Variants in TUBB8 observed in about 807,000 individuals in gnomAD.
The protein encoded by TUBB8 is tubulin beta-8 chain.
A neutral mutation model predicts 33.7 loss-of-function variants in TUBB8; 25 were observed. That is an observed-to-expected ratio of 0.74 (90% CI 0.54 to 1.04). TUBB8 has a LOEUF of 1.04. TUBB8 is among the 50% of genes least tolerant of loss of function. TUBB8 has a pLI of 0.00. For synonymous variants in TUBB8, 245 were observed against 240.1 expected (o/e 1.02, Z -0.19); for missense variants, 279 against 608.0 (o/e 0.46, Z 5.69).
intron 1 of TUBB8, among the ~76,000 whole-genome samples, chr10:54,693 G>T (rs1201576873): frequency 6.6e-6 from 1 of 151,834 alleles, no homozygotes; most frequent in Non-Finnish European, 1.5e-5. Context: ...AGAATGTTTT[G>T]AACTCAATAT....
At chr10:48,399 G>A in intron 3 of TUBB8, 1 of 642,262 alleles carries the variant, frequency 1.6e-6, no homozygotes, top group Non-Finnish European at 2.8e-6. Flanking sequence ...GGTTCTTGCA[G>A]GGAGTTTACA....
At chr10:69,765 T>C (rs1287045059) in intron 1 of TUBB8, among the ~76,000 whole-genome samples, 1 of 152,152 alleles carries the variant, frequency 6.6e-6, no homozygotes. Context: ...AGCACGGTTG[T>C]ATACACCTGT....
At position 47,399 on chromosome 10, in the gene TUBB8, G is replaced by A. The variant is rs1564203413; in HGVS notation, c.993C>T (p.Phe331=). The A allele has an allele frequency of 1.9e-6, 3 of 1,612,450 alleles. No individual in the cohort carries two copies. Among genetic ancestry groups the A allele is most frequent in the East Asian group, 2.2e-5 (1 of 44,898 alleles). The change falls in exon 4 of 4, where the codon TTC becomes TTT. Residue 331 remains phenylalanine, a synonymous_variant. Transcript: ENST00000568584. ...MPMREVDEQM[F]NIQDKNSSYF... ...AACTGCTGTTCTTATCTTGAATGTT[G>A]AACATTTGTTCATCCACCTCCCTCA...
chr10:69,539 C>G (rs1479999797), intron 1 of TUBB8, among the ~76,000 whole-genome samples: 1 of 152,234 alleles, frequency 6.6e-6, no homozygotes, highest in South Asian at 2.1e-4. Flanking sequence ...TTTAATGGAA[C>G]CAAAGTCCAT....
chr10:71,433 A>T (rs1834735170), intron 1 of TUBB8, among the ~76,000 whole-genome samples: 1 of 151,706 alleles, frequency 6.6e-6, no homozygotes. Flanking sequence ...CAGGAGTTCG[A>T]GACAAGCCTG....
intron 1 of TUBB8, among the ~76,000 whole-genome samples, chr10:69,344 T>C (rs1430432558): frequency 4.6e-5 from 7 of 152,150 alleles, no homozygotes; most frequent in African/African-American, 1.7e-4. Flanking sequence ...CCTCAAGCCA[T>C]TCACCCAATG....
At chr10:72,147 C>T (rs1348880889) in intron 1 of TUBB8, among the ~76,000 whole-genome samples, 1 of 151,782 alleles carries the variant, frequency 6.6e-6, no homozygotes, top group Non-Finnish European at 1.5e-5. Context: ...ATTGCTTGAA[C>T]CCAGGAGGCA....
intron 2 of TUBB8, 38 bp downstream of exon 2, chr10:48,766 T>C: frequency 1.9e-6 from 3 of 1,607,646 alleles, no homozygotes; most frequent in Non-Finnish European, 2.6e-6. Context: ...GAGGGCCGCG[T>C]TCCCAGGAGG....
chr10:53,999 CAG>C (rs1455799271), upstream of TUBB8, among the ~76,000 whole-genome samples: 1 of 152,092 alleles, frequency 6.6e-6, no homozygotes, highest in African/African-American at 2.4e-5. Context: ...CAATAAAAAA[CAG>C]GGTATCCATC....
In TUBB8 at chr10:47,539, T is replaced by C; in HGVS notation, c.853A>G (p.Thr285Ala). The part of the protein sequence containing the change: ...SRGSQQYRAL[T>A]VAELTQQMFD... ...ATCTGCTGGGTAAGCTCAGCCACAG[T>C]CAAGGCCCGGTACTGCTGGCTGCCC... The change falls in exon 4 of 4, where the codon ACT (threonine) becomes GCT (alanine). Residue 285 changes from threonine (T) to alanine (A), a missense_variant. Coordinates refer to ENST00000568584, the MANE Select transcript of TUBB8 (RefSeq NM_177987.3). 1 of 1,612,028 alleles carries C rather than the reference T, an allele frequency of 6.2e-7. No homozygotes were observed. The highest frequency in any genetic ancestry group is 8.5e-7 in the Non-Finnish European group (1 of 1,180,028).
At chr10:51,255 CCCA>C (rs1203500741), upstream of TUBB8, among the ~76,000 whole-genome samples, 3 of 152,060 alleles carry the variant, frequency 2.0e-5, no homozygotes, top group Non-Finnish European at 2.9e-5. Flanking sequence ...ATTACAGGCG[CCCA>C]CCACCATGCC....
At chr10:49,356 G>T, upstream of TUBB8, 1 of 1,030,252 alleles carries the variant, frequency 9.7e-7, no homozygotes, top group Non-Finnish European at 1.5e-6. Flanking sequence ...CTCCGCCTCG[G>T]ATTCGGCTCC....
At chr10:74,864 C>CGA (rs1834788822), upstream of TUBB8, among the ~76,000 whole-genome samples, 1 of 84,480 alleles carries the variant, frequency 1.2e-5, no homozygotes, top group African/African-American at 4.9e-5. Context: ...CTGTCTGTGC[C>CGA]AATTTTTTTT....
At chr10:61,332 T>G (rs1324897088) in intron 1 of TUBB8, among the ~76,000 whole-genome samples, 2 of 152,232 alleles carry the variant, frequency 1.3e-5, no homozygotes, top group East Asian at 3.8e-4. Flanking sequence ...TTCAAGAAAT[T>G]TTTCCATTTT....
Position 47,477 on chromosome 10 carries a change from G to A in TUBB8, c.915C>T (p.Pro305=). ...CCGCCGTTAGGTAGCGGCCGTGACG[G>A]GGGTCACAGGCAGCCATCATGTTCT... ...DAKNMMAACD[P]RHGRYLTAAA... The change falls in exon 4 of 4, where the codon CCC becomes CCT. Residue 305 remains proline, a synonymous_variant. Coordinates refer to ENST00000568584, the MANE Select transcript of TUBB8 (RefSeq NM_177987.3). The A allele has an allele frequency of 1.2e-6, 2 of 1,612,278 alleles. No homozygotes were observed. The highest frequency in any genetic ancestry group is 8.5e-7 in the Non-Finnish European group (1 of 1,180,006).
chr10:74,130 ACAGTGGAC>A (rs1554742758), exon 1 of TUBB8: 42 of 147,440 alleles, frequency 2.8e-4, no homozygotes, highest in African/African-American at 1.0e-3. Context: ...CCCCGTCCTC[ACAGTGGAC>A]CCCCCAGGAC....
At chr10:73,433 T>G (rs1235479926) in intron 1 of TUBB8, among the ~76,000 whole-genome samples, 1 of 152,134 alleles carries the variant, frequency 6.6e-6, no homozygotes, top group Non-Finnish European at 1.5e-5. Flanking sequence ...CTGATGAGGT[T>G]GGGAGTTCAA....
rs781949445 is a variant in TUBB8, at chr10:49,188, G to A, written c.51C>T (p.Gly17=). ...CAGAGCCCCGGCTGCCAACCTTGGC[G>A]CCGATCTGATTCCCGCACTGCCCGA... The part of the protein sequence containing the change: ...TQIGQCGNQI[G]AKFWEVISDE... Residue 17 remains glycine, a synonymous_variant, in exon 1 of 4, where the codon GGC becomes GGT. Transcript: ENST00000568584. The A allele has an allele frequency of 7.0e-6, 11 of 1,573,348 alleles. No homozygotes were observed. In the African/African-American group the frequency reaches 1.4e-4, roughly 19 times the overall value.
At chr10:69,619 C>T (rs1834711393) in intron 1 of TUBB8, among the ~76,000 whole-genome samples, 1 of 152,084 alleles carries the variant, frequency 6.6e-6, no homozygotes, top group South Asian at 2.1e-4. Flanking sequence ...TAACTAATTA[C>T]TGAAATTTAA....
Sources: allele counts gnomAD v4.1 joint callset (sites outside exome capture counted in the v4.1 genomes callset), GRCh38; gene constraint gnomAD v4.1.1; transcripts MANE v1.5; gene names NCBI Gene and HGNC (gene_info 2026-07-23, HGNC 2026-07-21).